The following EBF4 variants were observed in gnomAD, a reference collection of about 807,000 sequenced individuals.
EBF4 encodes transcription factor COE4.
In EBF4, 34 loss-of-function variants were observed where a neutral mutation model predicts 67.1. That is an observed-to-expected ratio of 0.51 (90% CI 0.39 to 0.67). The LOEUF (loss-of-function observed/expected upper bound fraction) is 0.67, where lower values mean the gene tolerates loss of function less well. EBF4 is among the 30% of genes least tolerant of loss of function. The probability of loss-of-function intolerance (pLI) is 0.00; values close to 1 mark genes in which losing one functional copy is unlikely to be tolerated. For missense variants in EBF4, 837 were observed against 873.3 expected, an observed-to-expected ratio of 0.96 and a Z score of 0.52; for synonymous variants, 387 against 377.7, an observed-to-expected ratio of 1.02 and a Z score of -0.29.
rs1337375383 is a variant in EBF4 at position 2,723,040 on chromosome 20, C to T, written c.557+13398C>T. Among the ~76,000 whole-genome samples the T allele has an allele frequency of 5.9e-5, 9 of 152,274 alleles. No homozygotes were observed. The East Asian group carries it at 1.4e-3, about 23-fold the overall frequency. The stretch of plus-strand genomic sequence containing the variant: ...ACTGATAGATGAGGTTATAATCTCC[C>T]GCATGAGTTTTCAGCTTTTCCCTGT... On this transcript the variant is annotated intron_variant, in intron 6 of 16. Coordinates refer to ENST00000609451, the Ensembl canonical transcript of EBF4.
At chr20:2,736,164 C>T (rs1025129130) in intron 6 of EBF4, among the ~76,000 whole-genome samples, 1 of 152,104 alleles carries the variant, frequency 6.6e-6, no homozygotes, top group South Asian at 2.1e-4. Flanking sequence ...CCAGGATGAC[C>T]CTGTGGCAGG....
At chr20:2,714,022 A>T (rs545126038) in intron 6 of EBF4, among the ~76,000 whole-genome samples, 2 of 152,386 alleles carry the variant, frequency 1.3e-5, no homozygotes, top group African/African-American at 4.8e-5. Context: ...TCAAGGGTGT[A>T]TATAATGATC....
rs190914065 is a variant in EBF4 at position 2,750,585 on chromosome 20, C to T, written c.1018+612C>T. ...CGCCCCAGCTGAGCCACCCACTTCT[C>T]CTCTCCACCCCACCGCAGTCCCCAC... On this transcript the variant is annotated intron_variant, in intron 10 of 16. Transcript: ENST00000609451. Among the ~76,000 whole-genome samples, 4 of 152,186 alleles carry T rather than the reference C, an allele frequency of 2.6e-5. No individual in the cohort carries two copies. The East Asian group carries it at 7.8e-4, about 30-fold the overall frequency.
rs1600248495 is a variant in EBF4 at position 2,755,331 on chromosome 20, C to T, written c.1541-296C>T. On this transcript the variant is annotated intron_variant, in intron 14 of 16. Transcript: ENST00000609451. The surrounding 1 kb of genome is among the most constrained non-coding windows in gnomAD (Gnocchi z 4.7). ...ATCCTGAAGTAGTCCAGCTGTTGCTCATCTCATTTTTGGGGGGTACCTCCC... is the reference window on the plus strand; with the variant it reads ...ATCCTGAAGTAGTCCAGCTGTTGCTTATCTCATTTTTGGGGGGTACCTCCC... 1.2e-5 allele frequency: 5 copies of T among 426,360 alleles called. No homozygotes were observed. The East Asian group carries it at 2.1e-4, about 18-fold the overall frequency. 26.4% of individuals were successfully genotyped at this position (426,360 alleles called of 1,614,324 possible).
At chr20:2,732,412 A>G (rs1175196531) in intron 6 of EBF4, among the ~76,000 whole-genome samples, 2 of 152,194 alleles carry the variant, frequency 1.3e-5, no homozygotes, top group Non-Finnish European at 2.9e-5. Flanking sequence ...ATGAGCCACC[A>G]CACCCGGACT....
At chr20:2,705,178 C>T (rs1719685594) in intron 1 of EBF4, among the ~76,000 whole-genome samples, 2 of 152,218 alleles carry the variant, frequency 1.3e-5, no homozygotes, top group African/African-American at 4.8e-5. Flanking sequence ...GTTCTAGGGC[C>T]CCCGGGGTCT....
At position 2,707,548 on chromosome 20, in the gene EBF4, C is replaced by T. The variant is rs1040880451; in HGVS notation, c.415-399C>T. Among the ~76,000 whole-genome samples, 6 of 151,694 alleles carry T rather than the reference C, an allele frequency of 4.0e-5. No individual in the cohort carries two copies. The highest frequency in any genetic ancestry group is 1.9e-4 in the East Asian group (1 of 5,144). On this transcript the variant is annotated intron_variant, in intron 4 of 16. Coordinates refer to ENST00000609451, the Ensembl canonical transcript of EBF4. This position sits in a 1 kb window ranked among gnomAD's most constrained non-coding sequence, Gnocchi z 4.6. Reference sequence around the variant, plus strand: ...ACACTCATCAACAGAAGCAGAGGTCCGTCAGGACATGGAGGATGCACACAG... The same window carrying T: ...ACACTCATCAACAGAAGCAGAGGTCTGTCAGGACATGGAGGATGCACACAG...
intron 6 of EBF4, among the ~76,000 whole-genome samples, chr20:2,725,220 T>C (rs1287205055): frequency 2.0e-5 from 3 of 152,206 alleles, no homozygotes; most frequent in Non-Finnish European, 4.4e-5. Flanking sequence ...TCATCCTCCA[T>C]GTATCCTAAA....
Position 2,755,505 on chromosome 20 carries a change from T to C in EBF4, c.1541-122T>C. ...CACAGCTCCCAGTGAGATCTGAGCC[T>C]GGTACCTGTGTCAGCAGCCCATGTG... On this transcript the variant is annotated intron_variant, in intron 14 of 16. Coordinates refer to ENST00000609451, the Ensembl canonical transcript of EBF4. The surrounding 1 kb of genome is among the most constrained non-coding windows in gnomAD (Gnocchi z 4.7). 1 of 643,754 alleles carries C rather than the reference T, an allele frequency of 1.6e-6. No homozygotes were observed. The highest frequency in any genetic ancestry group is 2.2e-5 in the Admixed American group (1 of 44,452). The allele number at this position is 643,754 out of a possible 1,614,324, so 39.9% of individuals were successfully genotyped here.
chr20:2,709,514 C>A, intron 5 of EBF4, 60 bp from the exon 6 acceptor site: 1 of 1,472,302 alleles, frequency 6.8e-7, no homozygotes, highest in South Asian at 1.3e-5. Context: ...AACTCACACA[C>A]TGTCGTGGCC....
chr20:2,746,394 GCA>G (rs2088051302), intron 6 of EBF4, among the ~76,000 whole-genome samples: 1 of 152,110 alleles, frequency 6.6e-6, no homozygotes, highest in Admixed American at 6.5e-5. Flanking sequence ...CTGTAGGGGT[GCA>G]CCATTTGGGA....
chr20:2,708,089 T>C (rs1184312036), intron 5 of EBF4, 69 bp downstream of exon 5: 5 of 1,488,680 alleles, frequency 3.4e-6, no homozygotes, highest in African/African-American at 1.4e-5. Flanking sequence ...ACCCAGGCCC[T>C]GCCCCCTCGC....
intron 1 of EBF4, among the ~76,000 whole-genome samples, chr20:2,705,352 G>C (rs1328460411): frequency 1.3e-5 from 2 of 152,196 alleles, no homozygotes; most frequent in African/African-American, 4.8e-5. Flanking sequence ...TCTGCCTCTT[G>C]TTTTCCAGGG....
chr20:2,749,952 C>T (rs1433401350), exon 10 of EBF4: 2 of 1,551,180 alleles, frequency 1.3e-6, no homozygotes, highest in South Asian at 2.4e-5. Context: ...CAAGGGATGC[C>T]CCGGCCGCTT....
upstream of EBF4, chr20:2,693,515 C>A: frequency 1.7e-6 from 2 of 1,160,960 alleles, no homozygotes; most frequent in Non-Finnish European, 2.2e-6. This position sits in a 1 kb window ranked among gnomAD's most constrained non-coding sequence, Gnocchi z 4.6. Flanking sequence ...CGAGCGCGCA[C>A]TGAGCCACCC....
rs1205272158 is a variant in EBF4, at chr20:2,752,235, CG to C, written c.1327del (p.Asp443ThrfsTer104). 3 of 1,328,078 alleles carry C rather than the reference CG, an allele frequency of 2.3e-6. No homozygotes were observed. The highest frequency in any genetic ancestry group is 9.6e-7 in the Non-Finnish European group (1 of 1,038,752). 82.3% of individuals were successfully genotyped at this position (1,328,078 alleles called of 1,614,324 possible). ...TCAGCAGCCCGCTGGCCATCGCCGT[CG>C]GGGACGCCACCCCGGGGCCCGAGCC... On this transcript the variant is annotated frameshift_variant, in exon 13 of 17. Transcript: ENST00000609451. LOFTEE classifies it high-confidence loss of function.
In EBF4 at chr20:2,751,556, C is replaced by CG; in HGVS notation, c.1019-139dup. 1.3e-6 allele frequency: 1 copy of CG among 765,266 alleles called. No individual in the cohort carries two copies. Among genetic ancestry groups the CG allele is most frequent in the Non-Finnish European group, 2.1e-6 (1 of 475,074 alleles). The allele number at this position is 765,266 out of a possible 1,614,324, so 47.4% of individuals were successfully genotyped here. On this transcript the variant is annotated intron_variant, in intron 10 of 16. Coordinates refer to ENST00000609451, the Ensembl canonical transcript of EBF4. The surrounding 1 kb of genome is among the most constrained non-coding windows in gnomAD (Gnocchi z 5.2). Reference sequence around the variant, plus strand: ...GCTGCCGGGGGTGCCTGGAGTTTTCCGGGGGACTTGGGCTGGGCCTGGTGG... The same window carrying CG: ...GCTGCCGGGGGTGCCTGGAGTTTTCCGGGGGGACTTGGGCTGGGCCTGGTGG...
chr20:2,751,078 C>G lies in EBF4; in HGVS notation c.1019-622C>G, dbSNP rs2088137895. On this transcript the variant is annotated intron_variant, in intron 10 of 16. Coordinates refer to ENST00000609451, the Ensembl canonical transcript of EBF4. The surrounding 1 kb of genome is among the most constrained non-coding windows in gnomAD (Gnocchi z 5.2). ...TGGGGAGCTGGGTCAGACGCGCATA[C>G]ACACACACACCCCTTGCACAACGCC... is the stretch of plus-strand genomic sequence containing the variant. Among the ~76,000 whole-genome samples the G allele has an allele frequency of 6.6e-6, 1 of 151,640 alleles. No homozygotes were observed. Among genetic ancestry groups the G allele is most frequent in the Non-Finnish European group, 1.5e-5 (1 of 67,848 alleles).
intron 10 of EBF4, among the ~76,000 whole-genome samples, chr20:2,750,556 G>T (rs978077696): frequency 2.0e-5 from 3 of 151,804 alleles, no homozygotes; most frequent in Non-Finnish European, 4.4e-5. Flanking sequence ...CCATCCTCCC[G>T]CCCCGCCCCA....
Sources: gnomAD v4.1 joint callset for allele counts (sites outside exome capture counted in the v4.1 genomes callset) on GRCh38, gnomAD v4.1.1 for gene constraint, Gnocchi (gnomAD v3.1) non-coding constraint, MANE v1.5 for transcripts, NCBI Gene and HGNC (gene_info 2026-07-23, HGNC 2026-07-21) for gene names.